CAPZA1: variants seen among roughly 807,000 people sequenced by gnomAD.
CAPZA1 encodes F-actin-capping protein subunit alpha-1.
CAPZA1 carries 10 observed loss-of-function variants against 40.8 expected under a neutral mutation model. That is an observed-to-expected ratio of 0.25 (90% CI 0.15 to 0.42). The LOEUF (loss-of-function observed/expected upper bound fraction) is 0.42. CAPZA1 is among the 10% of genes least tolerant of loss of function. The pLI, the probability that CAPZA1 is intolerant of heterozygous loss-of-function variation, is 1.00. For missense variants in CAPZA1, 277 were observed against 353.8 expected (o/e 0.78, Z 1.74); for synonymous variants, 98 against 115.0 (o/e 0.85, Z 0.95).
chr1:112,632,518 C>T (rs967805357), intron 1 of CAPZA1, among the ~76,000 whole-genome samples: 9 of 151,386 alleles, frequency 5.9e-5, no homozygotes, highest in African/African-American at 1.9e-4. Flanking sequence ...CAAGGGTGGG[C>T]AGATTCTTGC....
intron 7 of CAPZA1, 146 bp downstream of exon 7, chr1:112,659,925 G>A: frequency 3.1e-6 from 2 of 636,126 alleles, no homozygotes; most frequent in East Asian, 2.7e-5. Context: ...CCTTCTTGGG[G>A]TGGTAAACAG....
intron 1 of CAPZA1, among the ~76,000 whole-genome samples, chr1:112,640,999 T>C (rs1332513085): frequency 6.6e-6 from 1 of 152,176 alleles, no homozygotes; most frequent in Non-Finnish European, 1.5e-5. Flanking sequence ...AAGATGTGCT[T>C]TGTTAAACAG....
At chr1:112,640,599 G>A (rs1370518774) in intron 1 of CAPZA1, among the ~76,000 whole-genome samples, 1 of 142,828 alleles carries the variant, frequency 7.0e-6, no homozygotes, top group Non-Finnish European at 1.5e-5. Context: ...GAGGGAGGTG[G>A]GGGGGTCAGC....
At chr1:112,632,587 G>A (rs1485122193) in intron 1 of CAPZA1, among the ~76,000 whole-genome samples, 1 of 152,122 alleles carries the variant, frequency 6.6e-6, no homozygotes, top group Non-Finnish European at 1.5e-5. Flanking sequence ...GCGGGGTGGG[G>A]TGTCAAATCC....
At chr1:112,667,039 T>C (rs753515989) in intron 7 of CAPZA1, 35 bp from the exon 8 acceptor site, 4 of 1,500,218 alleles carry the variant, frequency 2.7e-6, no homozygotes, top group Non-Finnish European at 3.7e-6. Context: ...CTCTATGAAC[T>C]TCCCCTAAAA....
At chr1:112,665,379 C>T (rs540396649) in intron 7 of CAPZA1, among the ~76,000 whole-genome samples, 6 of 151,968 alleles carry the variant, frequency 3.9e-5, no homozygotes, top group Admixed American at 6.6e-5. Context: ...GGGGTTTCGC[C>T]GTGTTGGCCA....
At chr1:112,652,689 T>C (rs1671417795) in intron 3 of CAPZA1, among the ~76,000 whole-genome samples, 1 of 151,020 alleles carries the variant, frequency 6.6e-6, no homozygotes, top group Non-Finnish European at 1.5e-5. Context: ...CTGTCTGACA[T>C]GGGGAAAAAA....
At chr1:112,660,276 T>C (rs964488955) in intron 7 of CAPZA1, among the ~76,000 whole-genome samples, 2 of 151,818 alleles carry the variant, frequency 1.3e-5, no homozygotes, top group Non-Finnish European at 2.9e-5. Context: ...GATTGATTGA[T>C]TGACTGATTG....
At chr1:112,649,277 T>A in intron 2 of CAPZA1, 141 bp from the exon 3 acceptor site, 1 of 627,960 alleles carries the variant, frequency 1.6e-6, no homozygotes, top group South Asian at 2.0e-5. Flanking sequence ...TCTTTTTATT[T>A]GCATGTTTAG....
At chr1:112,636,932 T>TA in intron 1 of CAPZA1, among the ~76,000 whole-genome samples, 1 of 152,382 alleles carries the variant, frequency 6.6e-6, no homozygotes, top group South Asian at 2.1e-4. Context: ...TTTAAACTTA[T>TA]TTATCATTTT....
chr1:112,644,184 C>CTTTTTTTTTTTTTTTTTTTTTTTTTTTTT (rs60802838), intron 1 of CAPZA1, among the ~76,000 whole-genome samples: 1 of 56,782 alleles, frequency 1.8e-5, no homozygotes, highest in African/African-American at 7.9e-5. Context: ...CTTCTCCCAG[C>CTTTTTTTTTTTTTTTTTTTTTTTTTTTTT]TTTTTTTTTT....
chr1:112,650,268 T>C (rs1489264979), intron 3 of CAPZA1, among the ~76,000 whole-genome samples: 1 of 152,176 alleles, frequency 6.6e-6, no homozygotes, highest in African/African-American at 2.4e-5. Flanking sequence ...ATTTTAGCCA[T>C]AGAAAACAGT....
chr1:112,644,062 C>G (rs1022922864), intron 1 of CAPZA1, among the ~76,000 whole-genome samples: 1 of 151,442 alleles, frequency 6.6e-6, no homozygotes, highest in Non-Finnish European at 1.5e-5. Context: ...CCAGGTTGGT[C>G]TCGAACTCCT....
At chr1:112,651,486 A>C (rs1277041047) in intron 3 of CAPZA1, among the ~76,000 whole-genome samples, 2 of 152,200 alleles carry the variant, frequency 1.3e-5, no homozygotes, top group African/African-American at 2.4e-5. Flanking sequence ...ATATGTACTT[A>C]AGTAGAGCCT....
intron 7 of CAPZA1, among the ~76,000 whole-genome samples, chr1:112,663,413 G>A (rs1671659323): frequency 6.6e-6 from 1 of 151,980 alleles, no homozygotes; most frequent in South Asian, 2.1e-4. Context: ...TCATCATTTA[G>A]CCCAGTCTTT....
intron 1 of CAPZA1, among the ~76,000 whole-genome samples, chr1:112,622,241 T>C (rs1670691657): frequency 6.6e-6 from 1 of 152,230 alleles, no homozygotes; most frequent in African/African-American, 2.4e-5. Flanking sequence ...ATGTAAAAGC[T>C]AGTAATATCA....
At chr1:112,650,395 A>G (rs1444800826) in intron 3 of CAPZA1, among the ~76,000 whole-genome samples, 1 of 152,196 alleles carries the variant, frequency 6.6e-6, no homozygotes, top group Non-Finnish European at 1.5e-5. Context: ...TGTAATTGTC[A>G]TCGTGAATGA....
intron 7 of CAPZA1, among the ~76,000 whole-genome samples, chr1:112,661,530 CCTT>C (rs1224837314): frequency 3.5e-4 from 54 of 152,316 alleles, no homozygotes; most frequent in Admixed American, 1.4e-3. Context: ...CTTGGGGTCT[CCTT>C]CTGGGAAGGT....
chr1:112,662,395 CTTTTT>C (rs35100851), intron 7 of CAPZA1, among the ~76,000 whole-genome samples: 3 of 97,256 alleles, frequency 3.1e-5, no homozygotes, highest in African/African-American at 4.0e-5. Context: ...TAGAATTTTT[CTTTTT>C]TTTTTTTTTT....
Sources: gnomAD v4.1 joint callset for allele counts (sites outside exome capture counted in the v4.1 genomes callset) on GRCh38, gnomAD v4.1.1 for gene constraint, MANE v1.5 for transcripts, NCBI Gene and HGNC (gene_info 2026-07-23, HGNC 2026-07-21) for gene names.